The following LIN9 variants were observed in gnomAD, a reference collection of about 807,000 sequenced individuals.
The protein encoded by LIN9 is protein lin-9 homolog.
Under a neutral mutation model 78.0 loss-of-function variants are expected in LIN9, and 18 were observed. The ratio of observed to expected loss-of-function variants is 0.23; its 90% CI spans 0.16 to 0.34. The LOEUF (loss-of-function observed/expected upper bound fraction) is 0.34, where lower values mean the gene tolerates loss of function less well. Ranked by LOEUF, LIN9 falls within the 10% of genes least tolerant of loss-of-function variation. The pLI is 1.00. For missense variants in LIN9, 451 were observed against 644.1 expected (o/e 0.70, Z 3.25); for synonymous variants, 192 against 215.2 (o/e 0.89, Z 0.94).
In LIN9 at chr1:226,265,492, G is replaced by T; in HGVS notation, c.1038+41C>A. ...ACTTTAATAACATAAAAGGCATTGA[G>T]TTTTTAAACAAACAGCCAAGATATT... On this transcript the variant is annotated intron_variant, in intron 10 of 14. Transcript: ENST00000681046. The surrounding 1 kb of genome is among the most constrained non-coding windows in gnomAD (Gnocchi z 4.1). The T allele has an allele frequency of 7.5e-7, 1 of 1,340,252 alleles. No individual in the cohort carries two copies. The highest frequency in any genetic ancestry group is 1.1e-6 in the Non-Finnish European group (1 of 941,022). 83.0% of individuals were successfully genotyped at this position (1,340,252 alleles called of 1,614,324 possible).
intron 11 of LIN9, among the ~76,000 whole-genome samples, chr1:226,247,262 A>C (rs1658541945): frequency 6.6e-6 from 1 of 152,148 alleles, no homozygotes; most frequent in Non-Finnish European, 1.5e-5. Context: ...TAAGCATTTA[A>C]AATATATTTC....
chr1:226,259,516 C>T (rs774450528), intron 10 of LIN9, among the ~76,000 whole-genome samples: 8 of 152,056 alleles, frequency 5.3e-5, no homozygotes, highest in South Asian at 2.1e-4. Flanking sequence ...CAAGGTCGTG[C>T]GGAAAATTCA....
chr1:226,290,499 C>G (rs1284693508), intron 4 of LIN9, among the ~76,000 whole-genome samples: 1 of 151,852 alleles, frequency 6.6e-6, no homozygotes, highest in African/African-American at 2.4e-5. Context: ...CGCCACCACG[C>G]CCGGCTAATT....
At chr1:226,247,355 T>C (rs1421978230) in intron 11 of LIN9, among the ~76,000 whole-genome samples, 6 of 152,082 alleles carry the variant, frequency 3.9e-5, no homozygotes, top group Non-Finnish European at 7.4e-5. Context: ...CTATTGTGTC[T>C]TGAATTTAAA....
intron 10 of LIN9, among the ~76,000 whole-genome samples, chr1:226,260,487 CAT>C (rs2102894230): frequency 6.6e-6 from 1 of 152,122 alleles, no homozygotes; most frequent in East Asian, 1.9e-4. Flanking sequence ...GCCTGGGCAA[CAT>C]AGATCCCCTG....
intron 7 of LIN9, among the ~76,000 whole-genome samples, chr1:226,277,563 G>A (rs1227438349): frequency 6.6e-6 from 1 of 152,176 alleles, no homozygotes; most frequent in Non-Finnish European, 1.5e-5. Context: ...AAAATATCAA[G>A]TGATGTGTAC....
At chr1:226,266,178 CAATT>C (rs1169848822) in intron 9 of LIN9, 31 bp downstream of exon 9, 16 of 1,421,776 alleles carry the variant, frequency 1.1e-5, no homozygotes, top group Non-Finnish European at 1.5e-5. Flanking sequence ...TCATAAAAAT[CAATT>C]AAATTATTGA....
At chr1:226,297,043 T>A (rs915901306) in intron 3 of LIN9, among the ~76,000 whole-genome samples, 3 of 152,074 alleles carry the variant, frequency 2.0e-5, no homozygotes, top group Non-Finnish European at 2.9e-5. Flanking sequence ...CTTGATACTC[T>A]ATAGCCCTGA....
At chr1:226,266,371 T>G in intron 8 of LIN9, 39 bp from the exon 9 acceptor site, 1 of 1,550,438 alleles carries the variant, frequency 6.4e-7, no homozygotes, top group Non-Finnish European at 8.8e-7. Flanking sequence ...TAAAGAAATT[T>G]ACCAATCATT....
At chr1:226,253,079 A>G (rs929107683) in intron 10 of LIN9, among the ~76,000 whole-genome samples, 6 of 152,000 alleles carry the variant, frequency 3.9e-5, no homozygotes, top group African/African-American at 1.2e-4. Flanking sequence ...CCTGGGCAAC[A>G]CAGCAAGACC....
rs1657399009 is a variant in LIN9 at position 226,232,484 on chromosome 1, A to G, written c.*17T>C. The G allele has an allele frequency of 1.3e-6, 2 of 1,542,542 alleles. No individual in the cohort carries two copies. The highest frequency in any genetic ancestry group is 1.8e-6 in the Non-Finnish European group (2 of 1,117,818). Reference sequence around the variant, plus strand: ...CAAAAACAATGTCCCGTGCAGTTGGAATAATGAAATCTTTACTCAGTCTCT... The same window carrying G: ...CAAAAACAATGTCCCGTGCAGTTGGGATAATGAAATCTTTACTCAGTCTCT... On this transcript the variant is annotated 3_prime_UTR_variant, in exon 15 of 15. Coordinates refer to ENST00000681046, the MANE Select transcript of LIN9 (RefSeq NM_001366245.2).
chr1:226,240,459 G>A (rs549274062), intron 11 of LIN9, among the ~76,000 whole-genome samples: 1 of 148,690 alleles, frequency 6.7e-6, no homozygotes, highest in African/African-American at 2.5e-5. Flanking sequence ...CGTGATCTCC[G>A]CTCACTACAA....
intron 11 of LIN9, among the ~76,000 whole-genome samples, chr1:226,245,779 C>T (rs911997972): frequency 8.6e-5 from 13 of 151,910 alleles, no homozygotes; most frequent in Non-Finnish European, 1.9e-4. Flanking sequence ...TGTATTTTTA[C>T]TAGAAACGGG....
At chr1:226,304,079 G>A (rs1354667868) in intron 1 of LIN9, among the ~76,000 whole-genome samples, 2 of 152,178 alleles carry the variant, frequency 1.3e-5, no homozygotes, top group African/African-American at 4.8e-5. Flanking sequence ...GATTAAATGA[G>A]TTAATACATG....
At chr1:226,274,727 A>G (rs1660525870) in intron 7 of LIN9, among the ~76,000 whole-genome samples, 1 of 151,698 alleles carries the variant, frequency 6.6e-6, no homozygotes. Flanking sequence ...AACATTCTCA[A>G]GTTCACCGAC....
chr1:226,289,850 GGGGGGT>G (rs1259543643), intron 4 of LIN9, among the ~76,000 whole-genome samples: 38 of 77,412 alleles, frequency 4.9e-4, no homozygotes, highest in Non-Finnish European at 9.7e-4. Flanking sequence ...GGGGGGTGGG[GGGGGGT>G]GGGAAAGCTA....
intron 6 of LIN9, among the ~76,000 whole-genome samples, chr1:226,282,510 G>A (rs1383629400): frequency 1.3e-5 from 2 of 152,028 alleles, no homozygotes; most frequent in Non-Finnish European, 2.9e-5. Context: ...TATGAACTCT[G>A]CCCATCTGAT....
rs892049051 is a variant in LIN9 at position 226,239,232 on chromosome 1, T to C, written c.1120-136A>G. 3 of 828,012 alleles carry C rather than the reference T, an allele frequency of 3.6e-6. No homozygotes were observed. The Admixed American group carries it at 8.5e-5, about 23-fold the overall frequency. 51.3% of individuals were successfully genotyped at this position (828,012 alleles called of 1,614,324 possible). On this transcript the variant is annotated intron_variant, in intron 11 of 14. Coordinates refer to ENST00000681046, the MANE Select transcript of LIN9 (RefSeq NM_001366245.2). The stretch of plus-strand genomic sequence containing the variant: ...AATTTGTCTGTTTTAATTGTTATAG[T>C]CTTGTCTGTGATAATGGCATTGTTA...
chr1:226,283,458 C>T (rs1321657039), intron 6 of LIN9, among the ~76,000 whole-genome samples: 4 of 151,332 alleles, frequency 2.6e-5, no homozygotes, highest in African/African-American at 9.7e-5. Context: ...TTTTATTATG[C>T]GTTACCTGAC....
Sources: gnomAD v4.1 joint callset for allele counts (sites outside exome capture counted in the v4.1 genomes callset) on GRCh38, gnomAD v4.1.1 for gene constraint, Gnocchi (gnomAD v3.1) non-coding constraint, MANE v1.5 for transcripts, NCBI Gene and HGNC (gene_info 2026-07-23, HGNC 2026-07-21) for gene names.